COL8A1: variants seen among roughly 807,000 people sequenced by gnomAD.
COL8A1 encodes collagen alpha-1(VIII) chain.
COL8A1 carries 21 observed loss-of-function variants against 42.7 expected under a neutral mutation model. That is an observed-to-expected ratio of 0.49 (90% CI 0.35 to 0.71). COL8A1 has a LOEUF of 0.71. Among genes scored for constraint, COL8A1 ranks in the 30% least tolerant of loss-of-function variants. The pLI, the probability that COL8A1 is intolerant of heterozygous loss-of-function variation, is 0.01. For missense variants in COL8A1, 788 were observed against 962.4 expected, an observed-to-expected ratio of 0.82 and a Z score of 2.40; for synonymous variants, 367 against 369.1, an observed-to-expected ratio of 0.99 and a Z score of 0.06.
In COL8A1 at chr3:99,796,653, G is replaced by A. The variant is rs1469634134; in HGVS notation, c.*517G>A. The A allele has an allele frequency of 6.6e-6, 1 of 152,276 alleles. No individual in the cohort carries two copies. Among genetic ancestry groups the A allele is most frequent in the Non-Finnish European group, 1.5e-5 (1 of 68,090 alleles). The allele number at this position is 152,276 out of a possible 1,614,324, so 9.4% of individuals were successfully genotyped here. A position where few individuals can be genotyped will look rare whatever the true frequency, so the allele number is the denominator to read the frequency against. On this transcript the variant is annotated 3_prime_UTR_variant, in exon 4 of 4. Transcript: ENST00000652472. ...AGACCCGTAGTGTTACCGCCCCAGT[G>A]GGAGGGGGCCCTGGGGACCCTGGTA...
At chr3:99,662,895 C>T (rs577400455) in intron 1 of COL8A1, among the ~76,000 whole-genome samples, 1 of 152,236 alleles carries the variant, frequency 6.6e-6, no homozygotes, top group Admixed American at 6.5e-5. Context: ...GGACCCCAAT[C>T]ATATTGGAGT....
At chr3:99,747,449 T>A (rs576853348) in intron 2 of COL8A1, among the ~76,000 whole-genome samples, 1 of 152,356 alleles carries the variant, frequency 6.6e-6, no homozygotes, top group South Asian at 2.1e-4. Context: ...TGGGAATTAA[T>A]GAGCTACATC....
At chr3:99,723,515 G>C (rs1036111309) in intron 1 of COL8A1, among the ~76,000 whole-genome samples, 1 of 152,064 alleles carries the variant, frequency 6.6e-6, no homozygotes, top group South Asian at 2.1e-4. Flanking sequence ...ATTGGCATAT[G>C]GTAGTTGGTT....
At chr3:99,664,241 T>TTTCC (rs1328859385) in intron 1 of COL8A1, among the ~76,000 whole-genome samples, 1 of 152,204 alleles carries the variant, frequency 6.6e-6, no homozygotes, top group African/African-American at 2.4e-5. Flanking sequence ...CTGCTTTCTG[T>TTTCC]TTCCCCAAGG....
intron 2 of COL8A1, among the ~76,000 whole-genome samples, chr3:99,754,432 GT>G (rs545165754): frequency 2.1e-4 from 30 of 146,202 alleles, no homozygotes; most frequent in East Asian, 5.9e-4. Flanking sequence ...TAACTATACT[GT>G]TTTTTTTTTT....
At chr3:99,724,595 C>T (rs898521599) in intron 1 of COL8A1, among the ~76,000 whole-genome samples, 1 of 152,066 alleles carries the variant, frequency 6.6e-6, no homozygotes, top group Non-Finnish European at 1.5e-5. Flanking sequence ...TTCTTTCCCA[C>T]CAATTCCCAC....
At chr3:99,646,888 T>G (rs1937655586) in intron 1 of COL8A1, among the ~76,000 whole-genome samples, 1 of 152,226 alleles carries the variant, frequency 6.6e-6, no homozygotes, top group African/African-American at 2.4e-5. Context: ...AATACAGGGT[T>G]TCTGATCTAA....
intron 1 of COL8A1, among the ~76,000 whole-genome samples, chr3:99,707,668 G>A (rs1939719498): frequency 6.6e-6 from 1 of 152,016 alleles, no homozygotes; most frequent in South Asian, 2.1e-4. Flanking sequence ...CCGAACTTGG[G>A]GCACTTCCAG....
At chr3:99,662,136 T>G (rs1190144556) in intron 1 of COL8A1, among the ~76,000 whole-genome samples, 1 of 152,176 alleles carries the variant, frequency 6.6e-6, no homozygotes, top group African/African-American at 2.4e-5. Flanking sequence ...CCCAGCACTC[T>G]GGGAGGCCAA....
At chr3:99,792,020 G>A (rs757822162) in intron 3 of COL8A1, among the ~76,000 whole-genome samples, 1 of 152,118 alleles carries the variant, frequency 6.6e-6, no homozygotes, top group African/African-American at 2.4e-5. Context: ...TGTGTTCCAG[G>A]CTCTGTGCTA....
chr3:99,665,074 G>T (rs1287858966), intron 1 of COL8A1, among the ~76,000 whole-genome samples: 3 of 152,186 alleles, frequency 2.0e-5, no homozygotes, highest in Non-Finnish European at 4.4e-5. Context: ...TCCAAAAGTG[G>T]GATGTGAGCT....
chr3:99,652,544 G>A (rs181955765), intron 1 of COL8A1, among the ~76,000 whole-genome samples: 134 of 152,302 alleles, frequency 8.8e-4, no homozygotes, highest in African/African-American at 2.7e-3. Flanking sequence ...ACTAATCCAG[G>A]CTGAATCTTA....
intron 1 of COL8A1, among the ~76,000 whole-genome samples, chr3:99,649,786 G>C (rs1204356617): frequency 6.6e-6 from 1 of 151,228 alleles, no homozygotes; most frequent in Non-Finnish European, 1.5e-5. Flanking sequence ...TTCTCTCTCT[G>C]TCACACACAC....
intron 1 of COL8A1, among the ~76,000 whole-genome samples, chr3:99,740,859 C>A (rs1298625827): frequency 2.6e-5 from 4 of 152,034 alleles, no homozygotes; most frequent in Non-Finnish European, 4.4e-5. Context: ...AAACAATATT[C>A]TATAATATAA....
At chr3:99,689,243 A>G (rs1235447227) in intron 1 of COL8A1, among the ~76,000 whole-genome samples, 2 of 152,246 alleles carry the variant, frequency 1.3e-5, no homozygotes, top group Non-Finnish European at 2.9e-5. Flanking sequence ...ACTCATCTAC[A>G]TGGCCTGTTC....
chr3:99,703,344 A>C (rs887905983), intron 1 of COL8A1: 2 of 152,222 alleles, frequency 1.3e-5, no homozygotes, highest in African/African-American at 4.8e-5. Flanking sequence ...ACAGACGGTG[A>C]ATTGCAGAGC....
chr3:99,703,916 A>C (rs1202295328), intron 1 of COL8A1, among the ~76,000 whole-genome samples: 1 of 152,134 alleles, frequency 6.6e-6, no homozygotes, highest in East Asian at 1.9e-4. Context: ...CTCACTTCTC[A>C]TCTATGGTTT....
At chr3:99,788,250 G>T (rs375126849) in intron 2 of COL8A1, among the ~76,000 whole-genome samples, 6 of 152,194 alleles carry the variant, frequency 3.9e-5, no homozygotes, top group African/African-American at 1.4e-4. Context: ...CAGAGAAATG[G>T]CAGAAGGCAG....
intron 2 of COL8A1, among the ~76,000 whole-genome samples, chr3:99,750,151 GGTTCAAGCAA>G (rs1435587461): frequency 1.3e-4 from 19 of 147,502 alleles, no homozygotes; most frequent in African/African-American, 4.5e-4. Context: ...CCACCTCCTG[GGTTCAAGCAA>G]TTCTCCTGGC....
Sources: allele counts gnomAD v4.1 joint callset (sites outside exome capture counted in the v4.1 genomes callset), GRCh38; gene constraint gnomAD v4.1.1; transcripts MANE v1.5; gene names NCBI Gene and HGNC (gene_info 2026-07-23, HGNC 2026-07-21).